Variants in EPHA4 observed in about 807,000 individuals in gnomAD.
The protein encoded by EPHA4 is EPH receptor A4, also known as ephrin type-A receptor 4.
EPHA4 carries 19 observed loss-of-function variants against 108.3 expected under a neutral mutation model. The ratio of observed to expected loss-of-function variants is 0.18; its 90% confidence interval spans 0.12 to 0.26. The LOEUF is 0.26. Among genes scored for constraint, EPHA4 ranks in the 10% least tolerant of loss-of-function variants. The pLI is 1.00. For synonymous variants in EPHA4, 449 were observed against 455.5 expected (o/e 0.99, Z 0.18); for missense variants, 917 against 1,254.0 (o/e 0.73, Z 4.06).
intron 3 of EPHA4, among the ~76,000 whole-genome samples, chr2:221,523,228 A>C (rs13420556): frequency 0.61 from 92,349 of 151,910 alleles, 29,260 homozygotes; most frequent in African/African-American, 0.8. Flanking sequence ...TTCCTTTGAT[A>C]CCCCCAACAA....
In EPHA4 at chr2:221,432,672, C is replaced by T. The variant is rs578184918; in HGVS notation, c.2496+1470G>A. 6.2e-4 allele frequency among the ~76,000 whole-genome samples: 93 copies of T among 149,730 alleles called. 2 individuals carry two copies. The highest frequency in any genetic ancestry group is 5.1e-3 in the Admixed American group (76 of 15,028). ...TTTTTTTTTTTTTTTGAGACAGAGT[C>T]TCATTCTGTGGCCCAGGCTGAATTA... is the stretch of plus-strand genomic sequence containing the variant. On this transcript the variant is annotated intron_variant, in intron 14 of 17. Coordinates refer to ENST00000281821, the MANE Select transcript of EPHA4 (RefSeq NM_004438.5).
intron 5 of EPHA4, among the ~76,000 whole-genome samples, chr2:221,474,661 ATC>A (rs1691604000): frequency 1.3e-5 from 2 of 152,160 alleles, no homozygotes; most frequent in Admixed American, 1.3e-4. Context: ...TTTCAGCAAA[ATC>A]TCTCAGTGGA....
At chr2:221,441,788 C>T (rs73994257) in intron 11 of EPHA4, among the ~76,000 whole-genome samples, 2,278 of 152,120 alleles carry the variant, frequency 0.015, 54 homozygotes, top group African/African-American at 0.051. Context: ...AAACAAGTCA[C>T]ACCCCATTAC....
chr2:221,432,327 C>T lies in EPHA4; in HGVS notation c.2496+1815G>A, dbSNP rs186731550. Among the ~76,000 whole-genome samples, 155 of 152,234 alleles carry T rather than the reference C, an allele frequency of 1.0e-3. 1 individual carries two copies. Among genetic ancestry groups the T allele is most frequent in the Middle Eastern group, 3.4e-3 (1 of 294 alleles). ...ACAGTAACTACATTTACTATTTGCTCATTTAGGTTTTTTGTCTTTGTCCCT... is the reference window on the plus strand; with the variant it reads ...ACAGTAACTACATTTACTATTTGCTTATTTAGGTTTTTTGTCTTTGTCCCT... On this transcript the variant is annotated intron_variant, in intron 14 of 17. Coordinates refer to ENST00000281821, the MANE Select transcript of EPHA4 (RefSeq NM_004438.5).
chr2:221,537,367 G>A (rs914264084), intron 3 of EPHA4, among the ~76,000 whole-genome samples: 1 of 152,194 alleles, frequency 6.6e-6, no homozygotes, highest in African/African-American at 2.4e-5. Flanking sequence ...TTGTTCTTGA[G>A]TAAAACCCAA....
rs1207865686 is a variant in EPHA4 at position 221,459,415 on chromosome 2, AG to A, written c.1319-1426del. On this transcript the variant is annotated intron_variant, in intron 5 of 17. Coordinates refer to ENST00000281821, the MANE Select transcript of EPHA4 (RefSeq NM_004438.5). ...AGTAGATACACATGTCCTCCATCAA[AG>A]GCAATCCCAAGGTTAGTAATACCAA... is the stretch of plus-strand genomic sequence containing the variant. Among the ~76,000 whole-genome samples the A allele has an allele frequency of 2.6e-5, 4 of 152,084 alleles. No individual in the cohort carries two copies. The East Asian group carries it at 7.7e-4, about 29-fold the overall frequency.
chr2:221,448,841 A>G (rs1482064311), intron 8 of EPHA4, among the ~76,000 whole-genome samples: 1 of 152,244 alleles, frequency 6.6e-6, no homozygotes, highest in African/African-American at 2.4e-5. Flanking sequence ...AAAATTGTCA[A>G]TGAAACAAAA....
intron 15 of EPHA4, among the ~76,000 whole-genome samples, chr2:221,427,922 C>A (rs1689960589): frequency 6.6e-6 from 1 of 151,882 alleles, no homozygotes; most frequent in African/African-American, 2.4e-5. Flanking sequence ...AGTTTTGTGT[C>A]CAAATAATAC....
chr2:221,570,830 ATATGGATGGATGCAT>A (rs548816190), intron 1 of EPHA4, among the ~76,000 whole-genome samples: 124 of 150,960 alleles, frequency 8.2e-4, no homozygotes, highest in African/African-American at 2.7e-3. Context: ...ACGGACAGAT[ATATGGATGGATGCAT>A]TATGGATGGA....
intron 3 of EPHA4, among the ~76,000 whole-genome samples, chr2:221,540,247 C>A (rs548986243): frequency 2.0e-5 from 3 of 152,298 alleles, no homozygotes; most frequent in Non-Finnish European, 2.9e-5. Flanking sequence ...TCAATGAATT[C>A]TCTCTATTCA....
In EPHA4 at chr2:221,443,001, C is replaced by T. The variant is rs750691603; in HGVS notation, c.1902G>A (p.Glu634=). 1 of 1,613,812 alleles carries T rather than the reference C, an allele frequency of 6.2e-7. No homozygotes were observed. Among genetic ancestry groups the T allele is most frequent in the Non-Finnish European group, 8.5e-7 (1 of 1,179,918 alleles). ...EKVIGVGEFG[E]VCSGRLKVPG... ...GCACTTTGAGACGCCCACTGCATAC[C>T]TCACCAAATTCACCTTTGAGAGAGA... is the stretch of plus-strand genomic sequence containing the variant. The change falls in exon 11 of 18, where the codon GAG becomes GAA. Residue 634 remains glutamate (E), a synonymous_variant. Transcript: ENST00000281821.
At chr2:221,526,912 G>A (rs574956492) in intron 3 of EPHA4, among the ~76,000 whole-genome samples, 12 of 108,110 alleles carry the variant, frequency 1.1e-4, no homozygotes, top group Non-Finnish European at 2.0e-4. Flanking sequence ...ACACAAACAC[G>A]TTTAAAATGA....
At chr2:221,432,566 TC>T (rs1259294397) in intron 14 of EPHA4, among the ~76,000 whole-genome samples, 1 of 152,102 alleles carries the variant, frequency 6.6e-6, no homozygotes, top group Non-Finnish European at 1.5e-5. Flanking sequence ...ACACTACCAT[TC>T]CCCTTAATCT....
At chr2:221,552,717 A>G (rs1007725342) in intron 3 of EPHA4, among the ~76,000 whole-genome samples, 4 of 152,208 alleles carry the variant, frequency 2.6e-5, no homozygotes, top group Non-Finnish European at 4.4e-5. Context: ...GTGCAAAGCA[A>G]GAGAGGTTGG....
At chr2:221,558,139 G>C (rs918592126) in intron 3 of EPHA4, among the ~76,000 whole-genome samples, 1 of 152,120 alleles carries the variant, frequency 6.6e-6, no homozygotes, top group African/African-American at 2.4e-5. Flanking sequence ...TGACAGTCAA[G>C]CATCATAAAA....
chr2:221,564,300 C>T lies in EPHA4; in HGVS notation c.254G>A (p.Arg85Gln), dbSNP rs957961356. 36 of 1,613,998 alleles carry T rather than the reference C, an allele frequency of 2.2e-5. No individual in the cohort carries two copies. Among genetic ancestry groups the T allele is most frequent in the Non-Finnish European group, 3.1e-5 (36 of 1,180,042 alleles). Residue 85 changes from arginine to glutamine, a missense_variant, in exon 3 of 18, where the codon CGA becomes CAA. Physicochemically the swap from Arg to Gln is conservative, Grantham distance 43. Around this residue, in one of 3 missense-constraint regions of EPHA4, gnomAD observed 758 missense variants for 1,076.7 expected, o/e 0.70. Coordinates refer to ENST00000281821, the MANE Select transcript of EPHA4 (RefSeq NM_004438.5). ...VMEPSQNNWL[R>Q]TDWITREGAQ... is the part of the protein sequence containing the mutation. ...CCCTTCTCGGGTGATCCAATCAGTT[C>T]GTAGCCAGTTATTCTGGCTGGGTTC...
At chr2:221,505,490 T>G (rs1692601604) in intron 3 of EPHA4, among the ~76,000 whole-genome samples, 1 of 152,032 alleles carries the variant, frequency 6.6e-6, no homozygotes, top group Non-Finnish European at 1.5e-5. Flanking sequence ...TACGCCCGGC[T>G]AATTTTTATA....
At chr2:221,459,892 T>C (rs1449788185) in intron 5 of EPHA4, among the ~76,000 whole-genome samples, 1 of 152,222 alleles carries the variant, frequency 6.6e-6, no homozygotes, top group Non-Finnish European at 1.5e-5. Flanking sequence ...GGAAATGGTC[T>C]TGGTCAGATC....
intron 13 of EPHA4, among the ~76,000 whole-genome samples, chr2:221,434,795 G>C (rs190205630): frequency 4.6e-5 from 7 of 152,198 alleles, no homozygotes; most frequent in Non-Finnish European, 7.4e-5. Context: ...ATAGCTAGGG[G>C]ATGATATGAT....
Sources: allele counts gnomAD v4.1 joint callset (sites outside exome capture counted in the v4.1 genomes callset), GRCh38; gene constraint gnomAD v4.1.1; regional missense constraint gnomAD v4.1.1; transcripts MANE v1.5; gene names NCBI Gene and HGNC (gene_info 2026-07-23, HGNC 2026-07-21).